Variants in ZNF732 observed in about 807,000 individuals in gnomAD.
ZNF732 encodes the protein zinc finger protein 732, also known as zinc finger protein LOC654254.
Under a neutral mutation model 11.5 loss-of-function variants are expected in ZNF732, and 12 were observed. That is an observed-to-expected ratio of 1.05 (90% CI 0.67 to 1.70). The LOEUF is 1.70. ZNF732 is among the 40% of genes most tolerant of loss of function. The probability of loss-of-function intolerance (pLI) is 0.00; values close to 1 mark genes in which losing one functional copy is unlikely to be tolerated. For synonymous variants in ZNF732, 231 were observed against 236.5 expected, an observed-to-expected ratio of 0.98 and a Z score of 0.21; for missense variants, 702 against 676.9, an observed-to-expected ratio of 1.04 and a Z score of -0.41.
At position 296,039 on chromosome 4, in the gene ZNF732, C is replaced by T; in HGVS notation, c.120G>A (p.Leu40=). ...TGAAGTTATCCTCACCCAGGGAGAT[C>T]AGGTTCCTGTAGTTCTCCAACATCA... is the stretch of plus-strand genomic sequence containing the variant. ...RDVMLENYRN[L]ISLGVAISNP... Residue 40 remains leucine (L), a synonymous_variant, in exon 2 of 4, where the codon CTG becomes CTA. Coordinates refer to ENST00000419098, the MANE Select transcript of ZNF732 (RefSeq NM_001137608.3). 2 of 1,612,778 alleles carry T rather than the reference C, an allele frequency of 1.2e-6. No individual in the cohort carries two copies. Among genetic ancestry groups the T allele is most frequent in the Non-Finnish European group, 1.7e-6 (2 of 1,179,672 alleles).
chr4:281,811 T>A (rs953415229), intron 3 of ZNF732, among the ~76,000 whole-genome samples: 5 of 151,982 alleles, frequency 3.3e-5, no homozygotes, highest in African/African-American at 9.7e-5. Flanking sequence ...CAGGCAAACA[T>A]AACAGCATGA....
At chr4:300,340 G>A (rs994405822) in intron 1 of ZNF732, among the ~76,000 whole-genome samples, 5 of 150,730 alleles carry the variant, frequency 3.3e-5, no homozygotes, top group Non-Finnish European at 7.4e-5. Flanking sequence ...GTGGGTGCCT[G>A]TAGTCCCAGC....
chr4:299,450 T>TACACACATATGTGTATATATATATATAC (rs1560165250), intron 1 of ZNF732, among the ~76,000 whole-genome samples: 4 of 72,694 alleles, frequency 5.5e-5, no homozygotes, highest in African/African-American at 1.8e-4. Flanking sequence ...TATATATATA[T>TACACACATATGTGTATATATATATATAC]ACACATATGT....
chr4:278,061 G>T (rs971628583), intron 3 of ZNF732, among the ~76,000 whole-genome samples: 2 of 152,076 alleles, frequency 1.3e-5, no homozygotes, highest in Non-Finnish European at 2.9e-5. Flanking sequence ...ATATAATTTT[G>T]ATATTTGCCA....
At chr4:276,187 A>C (rs1719491751) in intron 3 of ZNF732, among the ~76,000 whole-genome samples, 1 of 151,790 alleles carries the variant, frequency 6.6e-6, no homozygotes, top group Non-Finnish European at 1.5e-5. Context: ...TAGGCAGGGT[A>C]AAACCACCAT....
intron 3 of ZNF732, among the ~76,000 whole-genome samples, chr4:289,995 C>A (rs1462879465): frequency 6.6e-6 from 1 of 152,154 alleles, no homozygotes; most frequent in Non-Finnish European, 1.5e-5. Flanking sequence ...CTTACACATA[C>A]AATGAAAAAT....
At chr4:296,455 A>T (rs1158853669) in intron 1 of ZNF732, among the ~76,000 whole-genome samples, 21 of 152,108 alleles carry the variant, frequency 1.4e-4, no homozygotes, top group African/African-American at 4.8e-4. Flanking sequence ...AGTATCTGGA[A>T]TGCCTCACGC....
chr4:275,295 G>A (rs1719469875), intron 3 of ZNF732, among the ~76,000 whole-genome samples: 1 of 151,684 alleles, frequency 6.6e-6, no homozygotes, highest in Non-Finnish European at 1.5e-5. Context: ...GCATGCTCTT[G>A]TTCAAAGTTT....
chr4:289,162 C>G (rs1358766946), intron 3 of ZNF732, among the ~76,000 whole-genome samples: 1 of 152,196 alleles, frequency 6.6e-6, no homozygotes, highest in Non-Finnish European at 1.5e-5. Flanking sequence ...AAAATGAGAT[C>G]TCTTTAGTTA....
At chr4:273,859 A>C (rs540413095) in intron 3 of ZNF732, among the ~76,000 whole-genome samples, 3 of 151,282 alleles carry the variant, frequency 2.0e-5, no homozygotes, top group South Asian at 2.1e-4. Flanking sequence ...GATATTGTTA[A>C]GGTGCTAGGA....
intron 3 of ZNF732, among the ~76,000 whole-genome samples, chr4:295,051 C>T (rs1719915589): frequency 6.6e-6 from 1 of 152,040 alleles, no homozygotes; most frequent in East Asian, 1.9e-4. Flanking sequence ...CCAATATGTC[C>T]ACTACTCACC....
Position 271,730 on chromosome 4 carries a change from G to T in ZNF732, c.1127C>A (p.Thr376Asn), listed in dbSNP as rs61792090. ...ATGAATACTCTTATGTTTATTAAGG[G>T]TTGCGGATTGTCTAAAGGCTTTGCC... is the stretch of plus-strand genomic sequence containing the variant. ...QCGKAFRQSA[T>N]LNKHKSIHTG... Residue 376 changes from threonine to asparagine, a missense_variant, in exon 4 of 4, where the codon ACC becomes AAC. Thr to Asn is a moderately conservative substitution (Grantham distance 65). Coordinates refer to ENST00000419098, the MANE Select transcript of ZNF732 (RefSeq NM_001137608.3). The T allele has an allele frequency of 3.1e-6, 5 of 1,609,586 alleles. No individual in the cohort carries two copies. The highest frequency in any genetic ancestry group is 4.2e-6 in the Non-Finnish European group (5 of 1,177,904).
chr4:277,624 T>A (rs1719525361), intron 3 of ZNF732, among the ~76,000 whole-genome samples: 1 of 151,716 alleles, frequency 6.6e-6, no homozygotes, highest in Non-Finnish European at 1.5e-5. Context: ...TTAGTGAGAA[T>A]GAATAGAAAA....
intron 1 of ZNF732, among the ~76,000 whole-genome samples, chr4:304,414 A>C (rs559223851): frequency 5.0e-4 from 76 of 152,218 alleles, no homozygotes; most frequent in African/African-American, 1.8e-3. Flanking sequence ...TCTCCAGCCC[A>C]GGCTCAGCCA....
At position 272,438 on chromosome 4, in the gene ZNF732, AT is replaced by A; in HGVS notation, c.418del (p.Ile140TyrfsTer22). ...NQCLSTIQSK[I>X]FQCNVHVKVF... ...TTTGACATGTACATTACACTGAAAT[AT>A]TTTGCTCTGGATAGTTGACAAGCAT... is the stretch of plus-strand genomic sequence containing the variant. On this transcript the variant is annotated frameshift_variant, in exon 4 of 4. Transcript: ENST00000419098. LOFTEE classifies it low-confidence loss of function (END_TRUNC). 6.3e-7 allele frequency: 1 copy of A among 1,599,784 alleles called. No individual in the cohort carries two copies. Among genetic ancestry groups the A allele is most frequent in the Non-Finnish European group, 8.5e-7 (1 of 1,171,974 alleles).
intron 1 of ZNF732, among the ~76,000 whole-genome samples, chr4:297,297 G>A (rs77380000): frequency 6.6e-6 from 1 of 151,594 alleles, no homozygotes; most frequent in Admixed American, 6.6e-5. Flanking sequence ...AACAACATGT[G>A]CGCCTGCATT....
rs782158822 is a variant in ZNF732 at position 272,412 on chromosome 4, C to T, written c.445G>A (p.Val149Ile). ...TTTGAATTTGAAAATGTACTAAATA[C>T]TTTGACATGTACATTACACTGAAAT... is the stretch of plus-strand genomic sequence containing the variant. ...KIFQCNVHVK[V>I]FSTFSNSNQR... The change falls in exon 4 of 4, where the codon GTA becomes ATA. Residue 149 changes from valine (V) to isoleucine (I), a missense_variant. Physicochemically the swap from Val to Ile is conservative, Grantham distance 29. This residue lies in a region of ZNF732 where 596 missense variants were observed against 557.9 expected (regional missense o/e 1.07). Transcript: ENST00000419098. The T allele has an allele frequency of 3.1e-6, 5 of 1,595,866 alleles. No homozygotes were observed. The African/African-American group carries it at 6.7e-5, about 21-fold the overall frequency.
chr4:272,425 A>C lies in ZNF732; in HGVS notation c.432T>G (p.Asn144Lys). 6.3e-7 allele frequency: 1 copy of C among 1,597,464 alleles called. No homozygotes were observed. The highest frequency in any genetic ancestry group is 8.5e-7 in the Non-Finnish European group (1 of 1,170,754). ...ATGTACTAAATACTTTGACATGTAC[A>C]TTACACTGAAATATTTTGCTCTGGA... ...STIQSKIFQCNVHVKVFSTFS... is the reference protein window; with the variant it reads ...STIQSKIFQCKVHVKVFSTFS... The change falls in exon 4 of 4, where the codon AAT becomes AAG. Residue 144 changes from asparagine to lysine, a missense_variant. Transcript: ENST00000419098.
chr4:279,370 C>T (rs1450983795), intron 3 of ZNF732, among the ~76,000 whole-genome samples: 3 of 150,286 alleles, frequency 2.0e-5, no homozygotes, highest in Admixed American at 6.7e-5. Flanking sequence ...GGCGTGAACC[C>T]GGGAGGCAGA....
Sources: gnomAD v4.1 joint callset for allele counts (sites outside exome capture counted in the v4.1 genomes callset) on GRCh38, gnomAD v4.1.1 for gene constraint, gnomAD v4.1.1 regional missense constraint, MANE v1.5 for transcripts, NCBI Gene and HGNC (gene_info 2026-07-23, HGNC 2026-07-21) for gene names.